EYS: variants seen among roughly 807,000 people sequenced by gnomAD.
EYS encodes the protein EGF-like photoreceptor maintenance factor, also known as protein eyes shut homolog.
Under a neutral mutation model 282.1 loss-of-function variants are expected in EYS, and 250 were observed. The observed-to-expected ratio is 0.89, with a 90% CI of 0.80 to 0.98. The LOEUF (loss-of-function observed/expected upper bound fraction) is 0.98, where lower values mean the gene tolerates loss of function less well. Ranked by LOEUF, EYS falls within the 50% of genes least tolerant of loss-of-function variation. EYS has a pLI of 0.00. For missense variants in EYS, 4,016 were observed against 3,709.0 expected (o/e 1.08, Z -2.15); for synonymous variants, 1,355 against 1,282.9 (o/e 1.06, Z -1.20).
chr6:64,013,247 A>T (rs1036713494), intron 33 of EYS, among the ~76,000 whole-genome samples: 4 of 152,070 alleles, frequency 2.6e-5, no homozygotes, highest in African/African-American at 9.7e-5. Flanking sequence ...AAGAACTGTG[A>T]TTTTCTTTCC....
chr6:65,506,460 C>CTTTCTTTTTTTTTT (rs1766659446), intron 2 of EYS, among the ~76,000 whole-genome samples: 1 of 64,858 alleles, frequency 1.5e-5, no homozygotes, highest in African/African-American at 6.1e-5. Context: ...TCCTTCCTTT[C>CTTTCTTTTTTTTTT]TTTTTTTTTT....
chr6:65,220,295 C>A (rs1486488955), intron 12 of EYS, among the ~76,000 whole-genome samples: 1 of 151,978 alleles, frequency 6.6e-6, no homozygotes, highest in African/African-American at 2.4e-5. Context: ...TACCATGTAC[C>A]TACCATGCAC....
chr6:63,915,094 G>A (rs1414668927), intron 35 of EYS, among the ~76,000 whole-genome samples: 6 of 152,126 alleles, frequency 3.9e-5, no homozygotes, highest in Non-Finnish European at 5.9e-5. Context: ...ATTGAAAGAA[G>A]GTGCCATCTA....
intron 11 of EYS, chr6:65,330,181 T>C (rs928855182): frequency 5.2e-5 from 51 of 978,862 alleles, no homozygotes; most frequent in Non-Finnish European, 5.6e-5. Context: ...ATCTTACCTA[T>C]GTATAGTACA....
At chr6:63,825,927 G>T (rs1012948984) in intron 36 of EYS, among the ~76,000 whole-genome samples, 4 of 152,174 alleles carry the variant, frequency 2.6e-5, no homozygotes, top group Non-Finnish European at 5.9e-5. Flanking sequence ...AATTCAGGAG[G>T]TTAGTTATTA....
intron 22 of EYS, among the ~76,000 whole-genome samples, chr6:64,661,655 G>A (rs1390282149): frequency 6.8e-6 from 1 of 147,698 alleles, no homozygotes; most frequent in East Asian, 2.0e-4. Context: ...CTGGCCAACA[G>A]AGAAATGCAA....
intron 37 of EYS, among the ~76,000 whole-genome samples, chr6:63,793,286 C>T (rs1018692276): frequency 6.6e-6 from 1 of 152,198 alleles, no homozygotes; most frequent in Non-Finnish European, 1.5e-5. Flanking sequence ...CTTTTCCTCT[C>T]ACTCCTACCT....
At chr6:64,558,162 TA>T (rs1322706181) in intron 26 of EYS, among the ~76,000 whole-genome samples, 1 of 152,160 alleles carries the variant, frequency 6.6e-6, no homozygotes, top group Non-Finnish European at 1.5e-5. Context: ...AAATATTTTC[TA>T]AATATGTATT....
chr6:63,773,244 G>A (rs1769980976), intron 40 of EYS, among the ~76,000 whole-genome samples: 1 of 152,074 alleles, frequency 6.6e-6, no homozygotes, highest in South Asian at 2.1e-4. Context: ...CAACCTCATA[G>A]GTGAGAAAAA....
At chr6:64,178,275 A>G (rs1396207401) in intron 31 of EYS, among the ~76,000 whole-genome samples, 1 of 152,128 alleles carries the variant, frequency 6.6e-6, no homozygotes. Flanking sequence ...GATCTTCAAT[A>G]AAAAGGCATT....
intron 1 of EYS, among the ~76,000 whole-genome samples, chr6:65,652,831 AT>A (rs1767702039): frequency 6.6e-6 from 1 of 152,040 alleles, no homozygotes; most frequent in Non-Finnish European, 1.5e-5. Context: ...GATTGTACTT[AT>A]GTTAAATAAC....
At chr6:64,356,001 A>G (rs1771812196) in intron 29 of EYS, among the ~76,000 whole-genome samples, 1 of 151,676 alleles carries the variant, frequency 6.6e-6, no homozygotes, top group Non-Finnish European at 1.5e-5. Context: ...CCACATGCCA[A>G]TAAGTTTTCC....
intron 15 of EYS, among the ~76,000 whole-genome samples, chr6:64,938,418 T>C (rs1489959852): frequency 1.3e-5 from 2 of 151,632 alleles, no homozygotes; most frequent in Admixed American, 6.6e-5. Flanking sequence ...TTAGTAGTTA[T>C]TGTTGTTAAT....
At position 64,492,739 on chromosome 6, in the gene EYS, G is replaced by T. The variant is rs930973547; in HGVS notation, c.5645-53387C>A. 2.0e-5 allele frequency among the ~76,000 whole-genome samples: 3 copies of T among 151,324 alleles called. No individual in the cohort carries two copies. In the Admixed American group the frequency reaches 2.0e-4, roughly 10 times the overall value. ...TAAAAATGGAATGGGAATCCATCAG[G>T]TGGTTAAAGTGATGATAGACATGAG... On this transcript the variant is annotated intron_variant, in intron 26 of 42. Coordinates refer to ENST00000503581, the MANE Select transcript of EYS (RefSeq NM_001142800.2).
chr6:64,415,951 T>G (rs1774047020), intron 28 of EYS, among the ~76,000 whole-genome samples: 1 of 152,168 alleles, frequency 6.6e-6, no homozygotes, highest in African/African-American at 2.4e-5. Flanking sequence ...CACAGAGAGT[T>G]TTGTCTTTCC....
intron 22 of EYS, among the ~76,000 whole-genome samples, chr6:64,791,610 C>T (rs910447217): frequency 2.6e-5 from 4 of 151,878 alleles, no homozygotes; most frequent in African/African-American, 9.7e-5. Flanking sequence ...CAGCATACAA[C>T]ATTGAATCAG....
chr6:64,149,834 G>C (rs1774641911), intron 31 of EYS, among the ~76,000 whole-genome samples: 2 of 152,134 alleles, frequency 1.3e-5, no homozygotes, highest in Non-Finnish European at 2.9e-5. Context: ...TCTCTTACTA[G>C]CTGTGTGACA....
intron 26 of EYS, among the ~76,000 whole-genome samples, chr6:64,470,147 G>A (rs1441308671): frequency 1.3e-5 from 2 of 152,162 alleles, no homozygotes; most frequent in East Asian, 1.9e-4. Flanking sequence ...CGGTCTCTGC[G>A]TCTTGGTGGT....
intron 30 of EYS, among the ~76,000 whole-genome samples, chr6:64,299,888 A>G (rs1769173711): frequency 1.3e-5 from 2 of 152,096 alleles, no homozygotes; most frequent in Admixed American, 6.5e-5. Flanking sequence ...CCCATTATAC[A>G]CAGAAGAGCC....
Sources: allele counts gnomAD v4.1 joint callset (sites outside exome capture counted in the v4.1 genomes callset), GRCh38; gene constraint gnomAD v4.1.1; transcripts MANE v1.5; gene names NCBI Gene and HGNC (gene_info 2026-07-23, HGNC 2026-07-21).